The following CDH12 variants were observed in gnomAD, a reference collection of about 807,000 sequenced individuals.
The protein encoded by CDH12 is cadherin 12.
In CDH12, 41 loss-of-function variants were observed where a neutral mutation model predicts 74.1. That is an observed-to-expected ratio of 0.55 (90% CI 0.43 to 0.72). CDH12 has a LOEUF of 0.72. CDH12 is among the 30% of genes least tolerant of loss of function. The pLI, the probability that CDH12 is intolerant of heterozygous loss-of-function variation, is 0.00. For synonymous variants in CDH12, 399 were observed against 355.0 expected (o/e 1.12, Z -1.39); for missense variants, 945 against 977.2 (o/e 0.97, Z 0.44).
chr5:22,507,781 T>A (rs1029111569), intron 1 of CDH12, among the ~76,000 whole-genome samples: 5 of 152,162 alleles, frequency 3.3e-5, no homozygotes, highest in Non-Finnish European at 7.4e-5. Context: ...CCTCTCACAG[T>A]TTTGGAGGTC....
chr5:21,776,596 G>T (rs948681825), intron 11 of CDH12, among the ~76,000 whole-genome samples: 1 of 152,010 alleles, frequency 6.6e-6, no homozygotes, highest in African/African-American at 2.4e-5. Flanking sequence ...CTATTTTTAG[G>T]ATATTTGTGA....
intron 1 of CDH12, among the ~76,000 whole-genome samples, chr5:22,745,094 T>C (rs939945311): frequency 1.3e-4 from 19 of 151,730 alleles, no homozygotes; most frequent in Non-Finnish European, 2.4e-4. Flanking sequence ...GGCCTATCTA[T>C]AGTTATACCA....
chr5:21,970,579 T>A (rs528558815), intron 6 of CDH12, among the ~76,000 whole-genome samples: 2 of 151,992 alleles, frequency 1.3e-5, no homozygotes, highest in South Asian at 2.1e-4. Flanking sequence ...GTGGCTCATG[T>A]CCTTAACACC....
chr5:22,832,464 G>T (rs1369679684), intron 1 of CDH12, among the ~76,000 whole-genome samples: 4 of 152,102 alleles, frequency 2.6e-5, no homozygotes, highest in African/African-American at 7.2e-5. Context: ...ATAAGCGCTT[G>T]TTAAAATTAT....
chr5:22,097,058 T>C (rs976879949), intron 4 of CDH12, among the ~76,000 whole-genome samples: 2 of 152,138 alleles, frequency 1.3e-5, no homozygotes, highest in Non-Finnish European at 2.9e-5. Flanking sequence ...GGACTCCAAA[T>C]GCCTGAACCG....
chr5:22,172,323 T>C (rs1749077339), intron 4 of CDH12: 1 of 151,864 alleles, frequency 6.6e-6, no homozygotes, highest in African/African-American at 2.4e-5. Flanking sequence ...TTATTCACTA[T>C]ACTCCTCAGC....
chr5:22,232,281 T>C (rs1041431246), intron 3 of CDH12, among the ~76,000 whole-genome samples: 2 of 151,900 alleles, frequency 1.3e-5, no homozygotes, highest in Non-Finnish European at 2.9e-5. Flanking sequence ...CTAAGAACGA[T>C]ATGTAACAAT....
intron 1 of CDH12, among the ~76,000 whole-genome samples, chr5:22,534,755 G>A (rs1737752387): frequency 6.6e-6 from 1 of 151,798 alleles, no homozygotes; most frequent in Non-Finnish European, 1.5e-5. Context: ...CCCTACCATT[G>A]AAAACTAATG....
At chr5:22,331,293 G>A (rs1053733137) in intron 3 of CDH12, among the ~76,000 whole-genome samples, 1 of 152,222 alleles carries the variant, frequency 6.6e-6, no homozygotes, top group Non-Finnish European at 1.5e-5. Flanking sequence ...ATTCAGGGCT[G>A]ACTCAGCAGT....
intron 1 of CDH12, among the ~76,000 whole-genome samples, chr5:22,678,584 TGTAC>T (rs1741332525): frequency 6.6e-6 from 1 of 151,986 alleles, no homozygotes; most frequent in Non-Finnish European, 1.5e-5. Context: ...AACCAGAAAA[TGTAC>T]TTTGCGGCCA....
intron 5 of CDH12, among the ~76,000 whole-genome samples, chr5:21,990,934 GAA>G (rs200693502): frequency 0.024 from 2,980 of 126,632 alleles, 103 homozygotes; most frequent in African/African-American, 0.077. Flanking sequence ...GCCATTAACA[GAA>G]AAAAAAAAAA....
chr5:22,761,573 A>G (rs917342456), intron 1 of CDH12, among the ~76,000 whole-genome samples: 14 of 152,262 alleles, frequency 9.2e-5, no homozygotes, highest in African/African-American at 2.9e-4. Context: ...TGAAGTTACC[A>G]ATCAGAACAG....
intron 1 of CDH12, among the ~76,000 whole-genome samples, chr5:22,756,643 C>T (rs907937682): frequency 1.3e-5 from 2 of 152,146 alleles, no homozygotes; most frequent in African/African-American, 4.8e-5. Context: ...CAAAGACTAT[C>T]GCTAAGTCTT....
At chr5:21,916,094 A>G (rs185537220) in intron 6 of CDH12, among the ~76,000 whole-genome samples, 18 of 152,236 alleles carry the variant, frequency 1.2e-4, no homozygotes, top group East Asian at 3.9e-4. Context: ...TTGAACATCT[A>G]TAAGTACCAG....
At chr5:22,447,326 CAT>C in intron 2 of CDH12, among the ~76,000 whole-genome samples, 1 of 152,014 alleles carries the variant, frequency 6.6e-6, no homozygotes, top group Non-Finnish European at 1.5e-5. Context: ...AATAGGCACA[CAT>C]TGACAGAGAG....
At chr5:22,514,748 T>C (rs763029003) in intron 1 of CDH12, among the ~76,000 whole-genome samples, 9 of 152,158 alleles carry the variant, frequency 5.9e-5, no homozygotes, top group Admixed American at 3.9e-4. Context: ...ATCATCCCCT[T>C]AGAAAATAAC....
intron 3 of CDH12, among the ~76,000 whole-genome samples, chr5:22,269,600 T>G (rs549637326): frequency 2.5e-4 from 38 of 152,282 alleles, no homozygotes; most frequent in Non-Finnish European, 4.3e-4. Context: ...ATGAACAACA[T>G]AATGGAAGCA....
chr5:21,933,741 A>T (rs1433159901), intron 6 of CDH12, among the ~76,000 whole-genome samples: 1 of 152,168 alleles, frequency 6.6e-6, no homozygotes, highest in African/African-American at 2.4e-5. Flanking sequence ...GGGAGATGGT[A>T]ATGGATCTGA....
intron 1 of CDH12, among the ~76,000 whole-genome samples, chr5:22,842,618 C>T (rs1012352692): frequency 2.0e-5 from 3 of 152,040 alleles, no homozygotes; most frequent in Non-Finnish European, 2.9e-5. Context: ...ATTAATGTGG[C>T]AAGTTACAAG....
Sources: allele counts gnomAD v4.1 joint callset (sites outside exome capture counted in the v4.1 genomes callset), GRCh38; gene constraint gnomAD v4.1.1; transcripts MANE v1.5; gene names NCBI Gene and HGNC (gene_info 2026-07-23, HGNC 2026-07-21).